Variants in TRPC5 observed in about 807,000 individuals in gnomAD.
TRPC5 encodes the protein transient receptor potential cation channel subfamily C member 5, also known as short transient receptor potential channel 5.
Under a neutral mutation model 56.5 loss-of-function variants are expected in TRPC5, and 9 were observed. The observed-to-expected ratio is 0.16, with a 90% CI of 0.10 to 0.28. The LOEUF is 0.28. Ranked by LOEUF, TRPC5 falls within the 10% of genes least tolerant of loss-of-function variation. The probability of loss-of-function intolerance (pLI) is 1.00; values close to 1 mark genes in which losing one functional copy is unlikely to be tolerated. For synonymous variants in TRPC5, 282 were observed against 278.5 expected (o/e 1.01, Z -0.13); for missense variants, 469 against 748.9 (o/e 0.63, Z 4.36).
At chrX:111,842,519 T>C (rs1260343866) in intron 6 of TRPC5, among the ~76,000 whole-genome samples, 2 of 112,187 alleles carry the variant, frequency 1.8e-5, no homozygotes, top group South Asian at 3.7e-4. Context: ...ATGTGTATCA[T>C]TTTAATAGCT....
Position 112,023,683 on chromosome X carries a change from A to G in TRPC5, c.-22+58196T>C, listed in dbSNP as rs80103125. On this transcript the variant is annotated intron_variant, in intron 1 of 10. Transcript: ENST00000262839. ...GGCTCTGACCTATTATCTCATTATTATCTGCAATTGCCATGAACTTCCTAT... is the reference window on the plus strand; with the variant it reads ...GGCTCTGACCTATTATCTCATTATTGTCTGCAATTGCCATGAACTTCCTAT... Among the ~76,000 whole-genome samples the G allele has an allele frequency of 1.9e-3, 209 of 111,508 alleles. 1 individual carries two copies. The East Asian group carries it at 0.048, about 25-fold the overall frequency.
chrX:111,973,722 AATT>A (rs1927843766), intron 1 of TRPC5, among the ~76,000 whole-genome samples: 1 of 112,396 alleles, frequency 8.9e-6, no homozygotes, highest in South Asian at 3.6e-4. Context: ...TTAAAAATTA[AATT>A]ATTTCAACTT....
At chrX:111,793,344 ACAGCT>A (rs1946037196) in intron 7 of TRPC5, among the ~76,000 whole-genome samples, 1 of 112,142 alleles carries the variant, frequency 8.9e-6, no homozygotes, top group African/African-American at 3.2e-5. Flanking sequence ...AAAAATAATT[ACAGCT>A]CAGCAATGAA....
intron 1 of TRPC5, among the ~76,000 whole-genome samples, chrX:112,062,713 C>T (rs1930486658): frequency 8.9e-6 from 1 of 111,759 alleles, no homozygotes; most frequent in Admixed American, 9.5e-5. Context: ...ATACTCAAAA[C>T]GTTGTTGGTG....
intron 1 of TRPC5, among the ~76,000 whole-genome samples, chrX:112,041,934 C>G (rs1332465739): frequency 9.0e-6 from 1 of 111,531 alleles, no homozygotes. Context: ...CTCTTATTCT[C>G]AATGGTTTTA....
intron 1 of TRPC5, among the ~76,000 whole-genome samples, chrX:111,975,111 C>T (rs778637332): frequency 1.2e-4 from 13 of 110,773 alleles, no homozygotes; most frequent in African/African-American, 4.3e-4. Flanking sequence ...TCTGCACAAA[C>T]AAGAAATGAA....
intron 2 of TRPC5, among the ~76,000 whole-genome samples, chrX:111,942,118 TG>T (rs1282798750): frequency 7.1e-5 from 8 of 111,925 alleles, no homozygotes; most frequent in Non-Finnish European, 9.4e-5. Flanking sequence ...TGCTATATTC[TG>T]GTGTTCTCCC....
At chrX:111,920,722 A>C (rs1926105700) in intron 2 of TRPC5, among the ~76,000 whole-genome samples, 1 of 111,740 alleles carries the variant, frequency 8.9e-6, no homozygotes. Flanking sequence ...AGCCAAAAAA[A>C]ATGAGAATTT....
In TRPC5 at chrX:111,847,889, C is replaced by T. The variant is rs141107660; in HGVS notation, c.1378-453G>A. Among the ~76,000 whole-genome samples, 40 of 110,888 alleles carry T rather than the reference C, an allele frequency of 3.6e-4. 1 individual carries two copies. In the East Asian group the frequency reaches 6.3e-3, roughly 17 times the overall value. On this transcript the variant is annotated intron_variant, in intron 5 of 10. Coordinates refer to ENST00000262839, the MANE Select transcript of TRPC5 (RefSeq NM_012471.3). ...ACTGGGCTCTGAGCACCATGGACAA[C>T]GTGCTGTTACTGAAAGACAAGGAGT...
intron 7 of TRPC5, among the ~76,000 whole-genome samples, chrX:111,785,044 C>T (rs1945950395): frequency 8.9e-6 from 1 of 112,531 alleles, no homozygotes. Flanking sequence ...CCCTGTCTGA[C>T]AGCTCTGAAG....
chrX:112,005,269 A>G (rs900119255), intron 1 of TRPC5, among the ~76,000 whole-genome samples: 7 of 109,594 alleles, frequency 6.4e-5, no homozygotes, highest in Non-Finnish European at 1.3e-4. Flanking sequence ...ATGAGAACAC[A>G]TGGACACATA....
intron 1 of TRPC5, among the ~76,000 whole-genome samples, chrX:112,081,242 G>A (rs1482186373): frequency 6.2e-5 from 7 of 112,028 alleles, no homozygotes; most frequent in African/African-American, 2.3e-4. Context: ...CCATTTGTCC[G>A]AGTCGATGTG....
At chrX:111,782,948 C>T (rs914673445) in intron 7 of TRPC5, among the ~76,000 whole-genome samples, 3 of 111,154 alleles carry the variant, frequency 2.7e-5, no homozygotes, top group Admixed American at 9.6e-5. Context: ...CCTATTGTTA[C>T]CTCTTTGTAG....
At chrX:111,807,022 G>T (rs1314616871) in intron 7 of TRPC5, among the ~76,000 whole-genome samples, 1 of 111,393 alleles carries the variant, frequency 9.0e-6, no homozygotes, top group Admixed American at 9.6e-5. Flanking sequence ...CCTTTGGGAA[G>T]AATTTGATTA....
At chrX:111,922,161 T>C (rs1019665134) in intron 2 of TRPC5, among the ~76,000 whole-genome samples, 4 of 112,226 alleles carry the variant, frequency 3.6e-5, no homozygotes, top group Non-Finnish European at 7.5e-5. Context: ...AATCTGCTAA[T>C]TGGAGTTTTT....
chrX:111,839,660 T>C (rs1421077180), intron 6 of TRPC5, among the ~76,000 whole-genome samples: 1 of 112,066 alleles, frequency 8.9e-6, no homozygotes, highest in African/African-American at 3.2e-5. Context: ...ATAGTGTTTA[T>C]GTATAACGTA....
intron 1 of TRPC5, among the ~76,000 whole-genome samples, chrX:111,970,071 G>A (rs973001052): frequency 1.8e-5 from 2 of 110,912 alleles, no homozygotes; most frequent in Admixed American, 1.9e-4. Context: ...TAGAGAATGA[G>A]GCATAGGAGG....
intron 1 of TRPC5, among the ~76,000 whole-genome samples, chrX:111,982,308 G>T (rs1167641833): frequency 3.6e-5 from 4 of 111,838 alleles, no homozygotes; most frequent in African/African-American, 1.3e-4. Context: ...TGGCCATGTG[G>T]TCACAGTTAG....
chrX:111,996,900 A>G (rs187466451), intron 1 of TRPC5, among the ~76,000 whole-genome samples: 59 of 111,273 alleles, frequency 5.3e-4, no homozygotes, highest in African/African-American at 1.7e-3. Flanking sequence ...GACTCTTTGC[A>G]TGTGAGATGG....
Sources: gnomAD v4.1 joint callset for allele counts (sites outside exome capture counted in the v4.1 genomes callset) on GRCh38, gnomAD v4.1.1 for gene constraint, MANE v1.5 for transcripts, NCBI Gene and HGNC (gene_info 2026-07-23, HGNC 2026-07-21) for gene names.